Variants in GRAMD4 observed in about 807,000 individuals in gnomAD.
The protein encoded by GRAMD4 is GRAM domain-containing protein 4.
GRAMD4 carries 25 observed loss-of-function variants against 83.9 expected under a neutral mutation model. The observed-to-expected ratio is 0.30, with a 90% confidence interval of 0.22 to 0.42. The LOEUF (loss-of-function observed/expected upper bound fraction) is 0.42. GRAMD4 is among the 10% of genes least tolerant of loss of function. The pLI, the probability that GRAMD4 is intolerant of heterozygous loss-of-function variation, is 1.00. For synonymous variants in GRAMD4, 336 were observed against 320.9 expected, an observed-to-expected ratio of 1.05 and a Z score of -0.50; for missense variants, 593 against 788.7, an observed-to-expected ratio of 0.75 and a Z score of 2.97.
intron 3 of GRAMD4, among the ~76,000 whole-genome samples, chr22:46,650,890 G>A (rs945472629): frequency 6.6e-6 from 1 of 152,206 alleles, no homozygotes; most frequent in Non-Finnish European, 1.5e-5. Flanking sequence ...CTTGACCCCT[G>A]ACTGCAAGAC....
chr22:46,678,105 T>A lies in GRAMD4; in HGVS notation c.*854T>A, dbSNP rs1278404522. On this transcript the variant is annotated 3_prime_UTR_variant, in exon 19 of 19. Transcript: ENST00000406902. ...GCTCTTTGGAAGGCCCAGGAGAACATCCGCGAAGGCTGTTGGAGGTGCTCC... is the reference window on the plus strand; with the variant it reads ...GCTCTTTGGAAGGCCCAGGAGAACAACCGCGAAGGCTGTTGGAGGTGCTCC... 3 of 985,410 alleles carry A rather than the reference T, an allele frequency of 3.0e-6. No individual in the cohort carries two copies. The highest frequency in any genetic ancestry group is 6.1e-5 in the Admixed American group (1 of 16,270). 61.0% of individuals were successfully genotyped at this position (985,410 alleles called of 1,614,324 possible).
chr22:46,627,785 C>T (rs185800510), intron 2 of GRAMD4, among the ~76,000 whole-genome samples: 6 of 152,346 alleles, frequency 3.9e-5, no homozygotes, highest in African/African-American at 7.2e-5. Flanking sequence ...AGTGACTGTG[C>T]GTTGCTTTCA....
At chr22:46,658,147 G>A in intron 3 of GRAMD4, 40 bp from the exon 4 acceptor site, 13 of 1,612,428 alleles carry the variant, frequency 8.1e-6, no homozygotes, top group Non-Finnish European at 1.0e-5. Flanking sequence ...GGGTCGCGTG[G>A]ACATGAGCGA....
downstream of GRAMD4, among the ~76,000 whole-genome samples, chr22:46,680,719 C>T (rs200466474): frequency 6.3e-4 from 83 of 132,776 alleles, no homozygotes; most frequent in Middle Eastern, 7.9e-3. Context: ...TCCATCCACC[C>T]ACCCACCCAT....
intron 1 of GRAMD4, among the ~76,000 whole-genome samples, chr22:46,603,513 CTCTTTT>C (rs1569254356): frequency 0.31 from 33,074 of 105,856 alleles, 7,453 homozygotes; most frequent in East Asian, 0.71. Context: ...CCGGCCTCTT[CTCTTTT>C]TTTTTTTTTT....
chr22:46,639,719 A>T (rs994861481), intron 3 of GRAMD4, among the ~76,000 whole-genome samples: 7 of 152,090 alleles, frequency 4.6e-5, no homozygotes, highest in African/African-American at 1.4e-4. Context: ...CCGTGTGTGT[A>T]CACATGTGTA....
chr22:46,578,497 G>T (rs1180652000), intron 1 of GRAMD4, among the ~76,000 whole-genome samples: 1 of 152,212 alleles, frequency 6.6e-6, no homozygotes, highest in Non-Finnish European at 1.5e-5. Context: ...GGCCTCCTCA[G>T]GCTGGGCTCG....
At chr22:46,658,539 C>A (rs2082279716) in intron 4 of GRAMD4, among the ~76,000 whole-genome samples, 1 of 152,098 alleles carries the variant, frequency 6.6e-6, no homozygotes, top group African/African-American at 2.4e-5. Context: ...CTCTGGCGGT[C>A]TGGAAAAGGG....
intron 1 of GRAMD4, among the ~76,000 whole-genome samples, chr22:46,581,511 T>A (rs745783267): frequency 1.3e-5 from 2 of 152,200 alleles, no homozygotes; most frequent in Admixed American, 6.5e-5. Flanking sequence ...ATAACCCTCC[T>A]CTAAGGGGGG....
Position 46,673,653 on chromosome 22 carries a change from C to T in GRAMD4, c.1240-17C>T. 2 of 1,608,046 alleles carry T rather than the reference C, an allele frequency of 1.2e-6. No individual in the cohort carries two copies. Among genetic ancestry groups the T allele is most frequent in the Non-Finnish European group, 1.7e-6 (2 of 1,176,172 alleles). ...GTGGGCAGCGGGCCTGACCTCGACG[C>T]TGTTTGCCGTTGGCAGCTGCAGACG... On this transcript the variant is annotated splice_polypyrimidine_tract_variant and intron_variant, in intron 14 of 18. Transcript: ENST00000406902.
chr22:46,610,523 G>A (rs1295924460), intron 1 of GRAMD4, among the ~76,000 whole-genome samples: 8 of 152,246 alleles, frequency 5.3e-5, no homozygotes, highest in Admixed American at 1.3e-4. Flanking sequence ...TTCACCGCCC[G>A]GCCTCTCACA....
intron 3 of GRAMD4, among the ~76,000 whole-genome samples, chr22:46,651,893 C>T (rs574851538): frequency 6.6e-6 from 1 of 152,252 alleles, no homozygotes; most frequent in Admixed American, 6.5e-5. Flanking sequence ...ACGCTGTACT[C>T]CTTTAGGGCT....
upstream of GRAMD4, among the ~76,000 whole-genome samples, chr22:46,616,587 C>T (rs1467803469): frequency 8.7e-5 from 10 of 114,446 alleles, no homozygotes; most frequent in South Asian, 3.1e-4. Flanking sequence ...CCTGTGCGTG[C>T]AGGTTCCCCT....
chr22:46,577,064 T>A (rs1476474383), upstream of GRAMD4: 2 of 146,434 alleles, frequency 1.4e-5, no homozygotes, highest in African/African-American at 2.5e-5. Flanking sequence ...GGGCGGCGGC[T>A]GCGCAACGGG....
intron 1 of GRAMD4, among the ~76,000 whole-genome samples, chr22:46,587,013 C>G (rs1401028371): frequency 6.6e-6 from 1 of 152,224 alleles, no homozygotes; most frequent in East Asian, 1.9e-4. Flanking sequence ...CGTAACTACC[C>G]TGTGATGCTG....
intron 11 of GRAMD4, among the ~76,000 whole-genome samples, chr22:46,668,438 C>G (rs1569302904): frequency 6.6e-6 from 1 of 152,148 alleles, no homozygotes; most frequent in Non-Finnish European, 1.5e-5. Context: ...GCTCCCCTCC[C>G]TCCCCACCGC....
At position 46,614,678 on chromosome 22, in the gene GRAMD4, A is replaced by G. The variant is rs539186656; in HGVS notation, c.-49-12073A>G. On this transcript the variant is annotated intron_variant, in intron 1 of 1. Transcript: ENST00000431155. ...AGTCAGTTGGCTGTCCAGAATTTAT[A>G]CTTTATGGGTAGTGCACATTTCATG... 3.9e-5 allele frequency among the ~76,000 whole-genome samples: 6 copies of G among 152,062 alleles called. No homozygotes were observed. In the South Asian group the frequency reaches 8.3e-4, roughly 21 times the overall value.
chr22:46,640,817 C>T (rs2081964422), intron 3 of GRAMD4, among the ~76,000 whole-genome samples: 2 of 135,330 alleles, frequency 1.5e-5, no homozygotes, highest in African/African-American at 5.5e-5. Flanking sequence ...CAACCCCCTG[C>T]CCCGGCCCCC....
chr22:46,639,479 C>T (rs952125183), intron 3 of GRAMD4, among the ~76,000 whole-genome samples: 18 of 150,292 alleles, frequency 1.2e-4, no homozygotes, highest in African/African-American at 2.9e-4. Flanking sequence ...TGCACATGTG[C>T]GGCAGTGGTT....
Sources: gnomAD v4.1 joint callset for allele counts (sites outside exome capture counted in the v4.1 genomes callset) on GRCh38, gnomAD v4.1.1 for gene constraint, MANE v1.5 for transcripts, NCBI Gene and HGNC (gene_info 2026-07-23, HGNC 2026-07-21) for gene names.